SGCG: variants seen among roughly 807,000 people sequenced by gnomAD.
The protein encoded by SGCG is gamma-sarcoglycan.
Under a neutral mutation model 29.3 loss-of-function variants are expected in SGCG, and 26 were observed. The observed-to-expected ratio is 0.89, with a 90% CI of 0.65 to 1.23. The LOEUF is 1.23. Ranked by LOEUF, SGCG falls within the 50% of genes most tolerant of loss-of-function variation. The pLI is 0.00. For synonymous variants in SGCG, 145 were observed against 129.7 expected, an observed-to-expected ratio of 1.12 and a Z score of -0.80; for missense variants, 353 against 356.0, an observed-to-expected ratio of 0.99 and a Z score of 0.07.
At chr13:23,209,935 T>G (rs948956670) in intron 2 of SGCG, among the ~76,000 whole-genome samples, 1 of 152,224 alleles carries the variant, frequency 6.6e-6, no homozygotes, top group African/African-American at 2.4e-5. Flanking sequence ...CTATGTGAAG[T>G]GTTTAATTTC....
intron 3 of SGCG, chr13:23,245,684 T>C (rs866047081): frequency 1.3e-5 from 2 of 152,184 alleles, no homozygotes; most frequent in African/African-American, 4.8e-5. Context: ...ATTTTCTGGG[T>C]GATTATAACC....
At chr13:23,181,725 T>C (rs1358001779) in intron 1 of SGCG, among the ~76,000 whole-genome samples, 5 of 152,254 alleles carry the variant, frequency 3.3e-5, no homozygotes, top group African/African-American at 4.8e-5. Flanking sequence ...ATGCTTCAGC[T>C]TACTGAAGTT....
intron 2 of SGCG, among the ~76,000 whole-genome samples, chr13:23,205,878 C>T (rs747966302): frequency 1.3e-5 from 2 of 152,140 alleles, no homozygotes; most frequent in Non-Finnish European, 2.9e-5. Context: ...ATAAGAAAAA[C>T]TACCACTAAC....
At chr13:23,250,740 G>A (rs775225333) in intron 4 of SGCG, 23 bp downstream of exon 4, 24 of 1,358,984 alleles carry the variant, frequency 1.8e-5, no homozygotes, top group Non-Finnish European at 2.1e-5. Context: ...TCATCATGGT[G>A]CTTTGCATGC....
chr13:23,201,781 G>C (rs977555308), intron 1 of SGCG, among the ~76,000 whole-genome samples: 1 of 152,186 alleles, frequency 6.6e-6, no homozygotes, highest in Admixed American at 6.5e-5. Context: ...AGAAAACTTT[G>C]CTAGTTGTAT....
At position 23,323,584 on chromosome 13, in the gene SGCG, T is replaced by C. The variant is rs550944740; in HGVS notation, c.703-784T>C. Among the ~76,000 whole-genome samples, 178 of 152,326 alleles carry C rather than the reference T, an allele frequency of 1.2e-3. 1 individual carries two copies. The highest frequency in any genetic ancestry group is 1.3e-3 in the Non-Finnish European group (88 of 68,032). ...CTGGATGTGACGATTTTTATTTCCT[T>C]ATCAAAAAGATTTCCAAGCCTCAAT... On this transcript the variant is annotated intron_variant, in intron 7 of 7. Transcript: ENST00000218867.
At chr13:23,240,467 T>G (rs1276482254) in intron 3 of SGCG, among the ~76,000 whole-genome samples, 3 of 152,170 alleles carry the variant, frequency 2.0e-5, no homozygotes, top group African/African-American at 7.2e-5. Flanking sequence ...ATCAACCAAC[T>G]TGATATAATT....
chr13:23,181,888 A>G (rs965183986), intron 1 of SGCG, among the ~76,000 whole-genome samples: 1 of 152,264 alleles, frequency 6.6e-6, no homozygotes, highest in Non-Finnish European at 1.5e-5. Flanking sequence ...GAACTACGGA[A>G]TACACCGTTT....
chr13:23,175,866 T>C, the SGCG span, among the ~76,000 whole-genome samples: 1 of 152,138 alleles, frequency 6.6e-6, no homozygotes, highest in South Asian at 2.1e-4. Flanking sequence ...GTGATTCCTA[T>C]TGATAAATAA....
chr13:23,218,758 T>A lies in SGCG; in HGVS notation c.195+14869T>A, dbSNP rs183645971. ...GCTGCTTTTATTGTATTAATACAAA[T>A]AGACCAAGGCATTTGAATGATGGTT... On this transcript the variant is annotated intron_variant, in intron 2 of 7. Coordinates refer to ENST00000218867, the MANE Select transcript of SGCG (RefSeq NM_000231.3). Among the ~76,000 whole-genome samples, 77 of 152,074 alleles carry A rather than the reference T, an allele frequency of 5.1e-4. 2 individuals carry two copies. The East Asian group carries it at 0.011, about 21-fold the overall frequency.
the SGCG span, among the ~76,000 whole-genome samples, chr13:23,175,677 A>G: frequency 6.6e-6 from 1 of 152,126 alleles, no homozygotes; most frequent in Non-Finnish European, 1.5e-5. Context: ...TTTATTACAT[A>G]TGAATTTCTC....
upstream of SGCG, among the ~76,000 whole-genome samples, chr13:23,180,634 G>C (rs540497409): frequency 1.3e-5 from 2 of 152,194 alleles, no homozygotes. Context: ...ATGGAAACCA[G>C]TCTTAGAAGT....
chr13:23,247,242 C>T (rs1434542683), intron 3 of SGCG: 2 of 152,526 alleles, frequency 1.3e-5, no homozygotes, highest in Admixed American at 6.5e-5. Context: ...CCTGACAAAA[C>T]ACATGAACTA....
At chr13:23,254,864 C>T (rs979935662) in intron 4 of SGCG, among the ~76,000 whole-genome samples, 4 of 152,242 alleles carry the variant, frequency 2.6e-5, no homozygotes, top group African/African-American at 9.6e-5. Flanking sequence ...AGGCGCAAGC[C>T]ATAAGCCTTG....
rs1189871837 is a variant in SGCG at position 23,322,765 on chromosome 13, T to TCCCCCCCCCCCCCCCCCCCCCCCCCCC, written c.703-1601_703-1600insCCCCCCCCCCCCCCCCCCCCCCCCCCC. On this transcript the variant is annotated intron_variant, in intron 7 of 7. Transcript: ENST00000218867. ...CGATGCACAGACCGCCCCCCACCCA[T>TCCCCCCCCCCCCCCCCCCCCCCCCCCC]CCACCTCCCCCCCCCCCCCCCCCCG... Among the ~76,000 whole-genome samples, 3 of 61,444 alleles carry TCCCCCCCCCCCCCCCCCCCCCCCCCCC rather than the reference T, an allele frequency of 4.9e-5. 1 individual carries two copies. The highest frequency in any genetic ancestry group is 2.0e-4 in the African/African-American group (3 of 15,160). 40.3% of individuals were successfully genotyped at this position (61,444 alleles called of 152,430 possible).
At chr13:23,219,288 A>G (rs1453720097) in intron 2 of SGCG, among the ~76,000 whole-genome samples, 1 of 151,926 alleles carries the variant, frequency 6.6e-6, no homozygotes, top group African/African-American at 2.4e-5. Context: ...ACCTCCTGAT[A>G]TGCCTGCCTT....
chr13:23,290,751 A>G (rs1419127711), intron 5 of SGCG, among the ~76,000 whole-genome samples: 1 of 152,100 alleles, frequency 6.6e-6, no homozygotes, highest in African/African-American at 2.4e-5. Flanking sequence ...ACAAATAGTT[A>G]TCAGTGTTGA....
chr13:23,266,271 CAA>C (rs56910680), intron 4 of SGCG, among the ~76,000 whole-genome samples: 90 of 126,130 alleles, frequency 7.1e-4, no homozygotes, highest in African/African-American at 1.1e-3. Context: ...GACTCTGTCT[CAA>C]AAAAAAAAAA....
At chr13:23,285,308 G>C in intron 5 of SGCG, among the ~76,000 whole-genome samples, 1 of 152,322 alleles carries the variant, frequency 6.6e-6, no homozygotes, top group East Asian at 1.9e-4. Context: ...GCCCTGCCCA[G>C]AGAGGAGGAA....
Sources: allele counts gnomAD v4.1 joint callset (sites outside exome capture counted in the v4.1 genomes callset), GRCh38; gene constraint gnomAD v4.1.1; transcripts MANE v1.5; gene names NCBI Gene and HGNC (gene_info 2026-07-23, HGNC 2026-07-21).